Variants in CDKAL1 observed in about 807,000 individuals in gnomAD.
CDKAL1 encodes threonylcarbamoyladenosine tRNA methylthiotransferase.
Under a neutral mutation model 68.2 loss-of-function variants are expected in CDKAL1, and 32 were observed. That is an observed-to-expected ratio of 0.47 (90% CI 0.35 to 0.63). The LOEUF (loss-of-function observed/expected upper bound fraction) is 0.63. Among genes scored for constraint, CDKAL1 ranks in the 30% least tolerant of loss-of-function variants. The pLI is 0.00. For synonymous variants in CDKAL1, 234 were observed against 244.3 expected (o/e 0.96, Z 0.39); for missense variants, 606 against 696.7 (o/e 0.87, Z 1.47).
chr6:21,092,227 G>T (rs1332052129), intron 12 of CDKAL1, among the ~76,000 whole-genome samples: 2 of 149,748 alleles, frequency 1.3e-5, no homozygotes, highest in Non-Finnish European at 3.0e-5. Flanking sequence ...TTCTGGGTCG[G>T]GGGGGCGGGG....
At chr6:20,688,380 G>A (rs902448604) in intron 5 of CDKAL1, among the ~76,000 whole-genome samples, 1 of 150,662 alleles carries the variant, frequency 6.6e-6, no homozygotes, top group Non-Finnish European at 1.5e-5. Context: ...TACACCTTTT[G>A]TAATCATCTC....
At chr6:21,153,629 T>C (rs1462130699) in intron 13 of CDKAL1, among the ~76,000 whole-genome samples, 2 of 151,942 alleles carry the variant, frequency 1.3e-5, no homozygotes, top group African/African-American at 4.8e-5. Context: ...AGGACATGAG[T>C]TACAAGGAAA....
intron 5 of CDKAL1, among the ~76,000 whole-genome samples, chr6:20,668,108 C>G (rs1418704193): frequency 1.3e-5 from 2 of 151,876 alleles, no homozygotes; most frequent in African/African-American, 4.8e-5. Flanking sequence ...GCCTCCCTTC[C>G]TTCCTCCAAT....
At chr6:20,566,243 G>C (rs758272253) in intron 4 of CDKAL1, among the ~76,000 whole-genome samples, 4 of 152,096 alleles carry the variant, frequency 2.6e-5, no homozygotes, top group Non-Finnish European at 5.9e-5. Flanking sequence ...GATTTTGCCT[G>C]GTTCCTTTAG....
chr6:20,669,522 T>C (rs1769710639), intron 5 of CDKAL1, among the ~76,000 whole-genome samples: 8 of 152,190 alleles, frequency 5.3e-5, no homozygotes, highest in Admixed American at 5.2e-4. Context: ...TGTTTTCTTA[T>C]TGAGTGAGGA....
chr6:20,660,364 A>G (rs933570481), intron 5 of CDKAL1, among the ~76,000 whole-genome samples: 1 of 152,174 alleles, frequency 6.6e-6, no homozygotes, highest in Non-Finnish European at 1.5e-5. Flanking sequence ...GGAAACAGAT[A>G]TCATTAATAG....
At position 20,758,649 on chromosome 6, in the gene CDKAL1, C is replaced by T; in HGVS notation, c.517+6C>T. 3.1e-6 allele frequency: 5 copies of T among 1,601,348 alleles called. No homozygotes were observed. The highest frequency in any genetic ancestry group is 4.3e-6 in the Non-Finnish European group (5 of 1,172,556). On this transcript the variant is annotated splice_donor_region_variant and intron_variant, in intron 7 of 15. Transcript: ENST00000274695. Reference sequence around the variant, plus strand: ...TGTGGAGGAGACAATTAAAGGTAATCGTTGAAAGTGAGATAAACAGATGTA... The same window carrying T: ...TGTGGAGGAGACAATTAAAGGTAATTGTTGAAAGTGAGATAAACAGATGTA...
chr6:21,066,001 A>G (rs1771417866), intron 12 of CDKAL1, among the ~76,000 whole-genome samples: 1 of 151,622 alleles, frequency 6.6e-6, no homozygotes. Context: ...TACCGCAATT[A>G]CTTTTGCACT....
chr6:20,981,807 C>G (rs958909793), intron 10 of CDKAL1, among the ~76,000 whole-genome samples: 3 of 152,180 alleles, frequency 2.0e-5, no homozygotes, highest in African/African-American at 7.2e-5. Flanking sequence ...TGCCCCTGCA[C>G]TCCAGCCTGG....
At chr6:21,134,382 A>C (rs1775475443) in intron 13 of CDKAL1, among the ~76,000 whole-genome samples, 2 of 152,250 alleles carry the variant, frequency 1.3e-5, no homozygotes, top group Admixed American at 1.3e-4. Context: ...TTGCTAGAGC[A>C]TATTTCTTGA....
intron 11 of CDKAL1, among the ~76,000 whole-genome samples, chr6:21,016,671 T>TCCAC (rs1347336229): frequency 6.7e-6 from 1 of 148,244 alleles, no homozygotes; most frequent in Non-Finnish European, 1.5e-5. Flanking sequence ...CATCCATCCA[T>TCCAC]CTTACTTCAG....
At chr6:21,125,652 C>G (rs973771403) in intron 13 of CDKAL1, among the ~76,000 whole-genome samples, 3 of 152,168 alleles carry the variant, frequency 2.0e-5, no homozygotes, top group African/African-American at 7.2e-5. Flanking sequence ...GCACTCCAGC[C>G]TGGGCAACAA....
intron 9 of CDKAL1, among the ~76,000 whole-genome samples, chr6:20,865,120 T>C (rs1366553738): frequency 1.3e-5 from 2 of 152,206 alleles, no homozygotes; most frequent in African/African-American, 4.8e-5. Context: ...GCTTGTTATC[T>C]CTGTTTTGCT....
At chr6:21,046,251 C>G (rs940518450) in intron 11 of CDKAL1, among the ~76,000 whole-genome samples, 2 of 152,230 alleles carry the variant, frequency 1.3e-5, no homozygotes, top group African/African-American at 2.4e-5. Flanking sequence ...TTCCTTCCCT[C>G]CGTGACTTTG....
At chr6:20,765,601 T>A (rs1446358995) in intron 7 of CDKAL1, among the ~76,000 whole-genome samples, 2 of 151,536 alleles carry the variant, frequency 1.3e-5, no homozygotes, top group African/African-American at 4.9e-5. Flanking sequence ...TAGGATGAAC[T>A]CCTTGTTATT....
rs187943529 is a variant in CDKAL1, at chr6:20,572,088, T to C, written c.286+23383T>C. 6.6e-4 allele frequency among the ~76,000 whole-genome samples: 101 copies of C among 152,304 alleles called. 1 individual carries two copies. Among genetic ancestry groups the C allele is most frequent in the African/African-American group, 2.3e-3 (95 of 41,574 alleles). ...AGATCTAAAATGATATTCTAATCTA[T>C]GCAGGTTGGTTCAAGAGCACTTTAC... On this transcript the variant is annotated intron_variant, in intron 4 of 15. Coordinates refer to ENST00000274695, the MANE Select transcript of CDKAL1 (RefSeq NM_017774.3).
At chr6:21,112,791 A>G (rs998718751) in intron 13 of CDKAL1, among the ~76,000 whole-genome samples, 3 of 152,206 alleles carry the variant, frequency 2.0e-5, no homozygotes, top group African/African-American at 7.2e-5. Context: ...TTGTGCAGCA[A>G]TCCCACCTTT....
intron 9 of CDKAL1, among the ~76,000 whole-genome samples, chr6:20,928,210 G>A (rs1374009509): frequency 1.3e-5 from 2 of 152,182 alleles, no homozygotes; most frequent in Non-Finnish European, 2.9e-5. Context: ...ATCATGGAAG[G>A]GGGAAGGTGC....
At chr6:21,005,248 G>A (rs971525942) in intron 11 of CDKAL1, among the ~76,000 whole-genome samples, 2 of 152,110 alleles carry the variant, frequency 1.3e-5, no homozygotes, top group Non-Finnish European at 2.9e-5. Flanking sequence ...CATTTGAGCA[G>A]CAGTGAATGT....
Sources: allele counts gnomAD v4.1 joint callset (sites outside exome capture counted in the v4.1 genomes callset), GRCh38; gene constraint gnomAD v4.1.1; transcripts MANE v1.5; gene names NCBI Gene and HGNC (gene_info 2026-07-23, HGNC 2026-07-21).